JAK1: variants seen among roughly 807,000 people sequenced by gnomAD.
The protein encoded by JAK1 is Janus kinase 1.
In JAK1, 16 loss-of-function variants were observed where a neutral mutation model predicts 136.6. The ratio of observed to expected loss-of-function variants is 0.12; its 90% CI spans 0.08 to 0.18. The LOEUF (loss-of-function observed/expected upper bound fraction) is 0.18, where lower values mean the gene tolerates loss of function less well. Ranked by LOEUF, JAK1 falls within the 10% of genes least tolerant of loss-of-function variation. The pLI is 1.00. For synonymous variants in JAK1, 492 were observed against 519.5 expected, an observed-to-expected ratio of 0.95 and a Z score of 0.72; for missense variants, 859 against 1,450.1, an observed-to-expected ratio of 0.59 and a Z score of 6.62.
chr1:65,040,715 G>A (rs532554879), intron 2 of JAK1, among the ~76,000 whole-genome samples: 4 of 152,094 alleles, frequency 2.6e-5, no homozygotes, highest in Admixed American at 6.5e-5. Context: ...CCATAGTGGC[G>A]CTCTGGTTTT....
chr1:65,003,087 G>T (rs1158392567), intron 2 of JAK1, among the ~76,000 whole-genome samples: 2 of 141,236 alleles, frequency 1.4e-5, no homozygotes, highest in Non-Finnish European at 3.0e-5. Flanking sequence ...CTACTAGGAC[G>T]CCCGCCTGAC....
intron 2 of JAK1, among the ~76,000 whole-genome samples, chr1:65,030,971 C>T (rs1214984790): frequency 1.3e-5 from 2 of 151,820 alleles, no homozygotes; most frequent in Non-Finnish European, 2.9e-5. Flanking sequence ...CTAGACAACA[C>T]GGCAACACCC....
chr1:64,922,340 T>G (rs1645509387), intron 1 of JAK1, among the ~76,000 whole-genome samples: 1 of 152,184 alleles, frequency 6.6e-6, no homozygotes, highest in Non-Finnish European at 1.5e-5. Context: ...GCATTCTGTA[T>G]CTTTACCTTT....
chr1:64,890,298 G>A (rs758452909), intron 1 of JAK1, among the ~76,000 whole-genome samples: 22 of 151,868 alleles, frequency 1.4e-4, no homozygotes, highest in Non-Finnish European at 2.5e-4. Context: ...CACAAATTAG[G>A]TGATCAAGAA....
chr1:64,939,619 T>C (rs1645852329), intron 1 of JAK1, among the ~76,000 whole-genome samples: 2 of 152,222 alleles, frequency 1.3e-5, no homozygotes, highest in Admixed American at 1.3e-4. Context: ...AGGATTAAAT[T>C]AGGTATATAC....
intron 1 of JAK1, among the ~76,000 whole-genome samples, chr1:65,055,525 T>C (rs1438875209): frequency 6.6e-6 from 1 of 152,166 alleles, no homozygotes; most frequent in Non-Finnish European, 1.5e-5. Flanking sequence ...GAAGTGGAAA[T>C]GCTGGATTAT....
At chr1:64,966,139 T>C (rs1481486405) in intron 1 of JAK1, among the ~76,000 whole-genome samples, 194 bp downstream of exon 1, 1 of 151,614 alleles carries the variant, frequency 6.6e-6, no homozygotes, top group Non-Finnish European at 1.5e-5. Context: ...GCCCGCCGGC[T>C]CCGCGGGGCT....
At position 64,966,505 on chromosome 1, in the gene JAK1, G is replaced by C. The variant is rs545236585; in HGVS notation, c.-250C>G. The C allele has an allele frequency of 3.4e-4, 51 of 150,578 alleles. No homozygotes were observed. The highest frequency in any genetic ancestry group is 1.2e-3 in the African/African-American group (50 of 41,304). The allele number at this position is 150,578 out of a possible 1,614,324, so 9.3% of individuals were successfully genotyped here. A position where few individuals can be genotyped will look rare whatever the true frequency, so the allele number is the denominator to read the frequency against. ...TGGGCGCAGGCCCGCACTGTCTGCA[G>C]CTCCAGGATACTCCGCGGCCGCCGC... On this transcript the variant is annotated 5_prime_UTR_variant, in exon 1 of 25. Coordinates refer to ENST00000342505, the MANE Select transcript of JAK1 (RefSeq NM_002227.4).
intron 8 of JAK1, among the ~76,000 whole-genome samples, chr1:64,861,302 G>A (rs937344913): frequency 6.6e-6 from 1 of 152,132 alleles, no homozygotes; most frequent in South Asian, 2.1e-4. Context: ...TAAGCCTAGG[G>A]AGCTCTGAGA....
chr1:64,877,267 G>C (rs1644687984), intron 4 of JAK1, among the ~76,000 whole-genome samples: 1 of 152,254 alleles, frequency 6.6e-6, no homozygotes, highest in Middle Eastern at 3.4e-3. Flanking sequence ...TTAGTGGTGA[G>C]ATTATGAGGT....
At chr1:64,857,902 C>T in intron 9 of JAK1, 123 bp from the exon 10 acceptor site, 1 of 1,221,054 alleles carries the variant, frequency 8.2e-7, no homozygotes. Flanking sequence ...TCTGCCCTGC[C>T]TGGGATCCTA....
chr1:65,057,710 G>A (rs561458466), intron 1 of JAK1: 255 of 154,898 alleles, frequency 1.6e-3, no homozygotes, highest in Non-Finnish European at 2.8e-3. Context: ...CGTGATGCTG[G>A]CTTGGTGTTT....
intron 1 of JAK1, among the ~76,000 whole-genome samples, chr1:65,046,872 CT>C (rs770524663): frequency 0.056 from 6,345 of 113,392 alleles, 200 homozygotes; most frequent in Admixed American, 0.14. Context: ...GCCCCAACCT[CT>C]TTTTTTTTTT....
intron 1 of JAK1, among the ~76,000 whole-genome samples, chr1:64,906,441 A>T (rs1180518749): frequency 2.0e-5 from 3 of 151,678 alleles, no homozygotes; most frequent in African/African-American, 4.8e-5. Context: ...CCCAGCATTC[A>T]CTCTCTCAGT....
Position 64,850,861 on chromosome 1 carries a change from G to C in JAK1, c.1698C>G (p.Pro566=), listed in dbSNP as rs772171558. The C allele has an allele frequency of 6.2e-7, 1 of 1,614,074 alleles. No homozygotes were observed. The highest frequency in any genetic ancestry group is 1.7e-5 in the Admixed American group (1 of 60,018). Residue 566 remains proline, a synonymous_variant, in exon 12 of 25, where the codon CCC becomes CCG. Coordinates refer to ENST00000342505, the MANE Select transcript of JAK1 (RefSeq NM_002227.4). ...AACTCAGCTGGCTCATGGGGTAGAC[G>C]GGCTGCCACTCCTGGGCTTTCTTAG... ...VATKKAQEWQ[P]VYPMSQLSFD...
chr1:64,866,264 A>G (rs1656701231), intron 7 of JAK1, among the ~76,000 whole-genome samples: 1 of 152,228 alleles, frequency 6.6e-6, no homozygotes, highest in Non-Finnish European at 1.5e-5. Flanking sequence ...CTAAGGCCAT[A>G]TAAGTCATGA....
intron 1 of JAK1, among the ~76,000 whole-genome samples, chr1:65,052,371 T>A (rs1285714868): frequency 6.6e-6 from 1 of 152,116 alleles, no homozygotes; most frequent in African/African-American, 2.4e-5. Context: ...TCATGAAGAA[T>A]TCTTGTGGTT....
intron 2 of JAK1, among the ~76,000 whole-genome samples, chr1:64,993,843 C>A (rs976629019): frequency 6.6e-6 from 1 of 152,102 alleles, no homozygotes. Context: ...GATGGGGTTT[C>A]GCCATGTTGG....
chr1:64,878,561 GTATATATATATATATA>G lies in JAK1; in HGVS notation c.329+448_329+463del, dbSNP rs56881589. On this transcript the variant is annotated intron_variant, in intron 4 of 24. Coordinates refer to ENST00000342505, the MANE Select transcript of JAK1 (RefSeq NM_002227.4). Reference sequence around the variant, plus strand: ...ATCATGACCTTTATATATATAGTGTGTATATATATATATATATATATATATATATATATATATATAT... The same window carrying G: ...ATCATGACCTTTATATATATAGTGTGTATATATATATATATATATATATAT... Among the ~76,000 whole-genome samples the G allele has an allele frequency of 1.2e-3, 139 of 119,976 alleles. 2 individuals carry two copies. The highest frequency in any genetic ancestry group is 3.4e-3 in the East Asian group (13 of 3,834). 78.7% of individuals were successfully genotyped at this position (119,976 alleles called of 152,430 possible).
Sources: gnomAD v4.1 joint callset for allele counts (sites outside exome capture counted in the v4.1 genomes callset) on GRCh38, gnomAD v4.1.1 for gene constraint, MANE v1.5 for transcripts, NCBI Gene and HGNC (gene_info 2026-07-23, HGNC 2026-07-21) for gene names.